NRG1: variants seen among roughly 807,000 people sequenced by gnomAD.
NRG1 encodes the protein neuregulin 1.
In NRG1, 18 loss-of-function variants were observed where a neutral mutation model predicts 63.8. The ratio of observed to expected loss-of-function variants is 0.28; its 90% confidence interval spans 0.19 to 0.42. The LOEUF (loss-of-function observed/expected upper bound fraction) is 0.42. NRG1 is among the 10% of genes least tolerant of loss of function. NRG1 has a pLI of 1.00. For synonymous variants in NRG1, 302 were observed against 301.3 expected (o/e 1.00, Z -0.02); for missense variants, 762 against 814.7 (o/e 0.94, Z 0.79).
exon 12 of NRG1, chr8:32,764,526 T>G (rs972260067): frequency 1.1e-6 from 1 of 918,270 alleles, no homozygotes; most frequent in East Asian, 2.8e-5. Flanking sequence ...AAAAAAACTT[T>G]TATAAATTAA....
At chr8:32,331,225 G>A (rs1204411582) in intron 1 of NRG1, among the ~76,000 whole-genome samples, 1 of 152,074 alleles carries the variant, frequency 6.6e-6, no homozygotes, top group African/African-American at 2.4e-5. Flanking sequence ...GCTGGACACA[G>A]CGGCTCACGC....
intron 1 of NRG1, among the ~76,000 whole-genome samples, chr8:31,972,286 C>G (rs1807421222): frequency 6.6e-6 from 1 of 152,120 alleles, no homozygotes; most frequent in Non-Finnish European, 1.5e-5. Context: ...CATGGTCTTA[C>G]TCGAATCCCT....
rs73671100 is a variant in NRG1, at chr8:31,745,278, A to G, written c.37+105847A>G. 7.9e-3 allele frequency among the ~76,000 whole-genome samples: 1,206 copies of G among 152,060 alleles called. 21 individuals carry two copies. Among genetic ancestry groups the G allele is most frequent in the African/African-American group, 0.027 (1,128 of 41,520 alleles). ...CCATGCTTGTCCCCCGACACAGGGAACGGCCTGCGCAAACACACTTGGTTT... is the reference window on the plus strand; with the variant it reads ...CCATGCTTGTCCCCCGACACAGGGAGCGGCCTGCGCAAACACACTTGGTTT... On this transcript the variant is annotated intron_variant, in intron 1 of 10. Coordinates refer to the NRG1 transcript ENST00000519301.
intron 5 of NRG1, among the ~76,000 whole-genome samples, chr8:32,629,433 GTATT>G (rs1379079566): frequency 1.3e-5 from 2 of 152,098 alleles, no homozygotes; most frequent in African/African-American, 4.8e-5. Flanking sequence ...TTCCCAGGGA[GTATT>G]TATTAAATGG....
intron 1 of NRG1, among the ~76,000 whole-genome samples, chr8:32,071,393 C>G (rs1281991444): frequency 6.6e-6 from 1 of 152,142 alleles, no homozygotes; most frequent in Non-Finnish European, 1.5e-5. Flanking sequence ...AATGAACTTT[C>G]AAAATTAGAC....
At chr8:31,924,447 A>G (rs190393074) in intron 1 of NRG1, among the ~76,000 whole-genome samples, 3 of 152,120 alleles carry the variant, frequency 2.0e-5, no homozygotes, top group African/African-American at 4.8e-5. Context: ...TAGGATCTCT[A>G]TCAATATCCC....
chr8:32,370,709 T>C (rs1317570680), intron 1 of NRG1, among the ~76,000 whole-genome samples: 2 of 150,078 alleles, frequency 1.3e-5, no homozygotes, highest in Non-Finnish European at 3.0e-5. Context: ...AATACAAAAA[T>C]TAGCCAGGCA....
At chr8:31,853,801 G>A (rs372697802) in intron 1 of NRG1, among the ~76,000 whole-genome samples, 1 of 151,878 alleles carries the variant, frequency 6.6e-6, no homozygotes, top group African/African-American at 2.4e-5. Context: ...TACCTAATTT[G>A]TTGAGAGTTT....
At chr8:32,583,780 G>T (rs1371138169) in intron 1 of NRG1, among the ~76,000 whole-genome samples, 1 of 152,160 alleles carries the variant, frequency 6.6e-6, no homozygotes, top group African/African-American at 2.4e-5. Context: ...TTTCATACAT[G>T]ATCTCATTGT....
rs577870005 is a variant in NRG1, at chr8:31,775,921, A to G, written c.37+136490A>G. The stretch of plus-strand genomic sequence containing the variant: ...AAAAAAAAAAAAAAATTCATACTTT[A>G]CTAGTGGGCGATTATTGGAATATGA... On this transcript the variant is annotated intron_variant, in intron 1 of 10. Transcript: ENST00000519301. Among the ~76,000 whole-genome samples, 27 of 148,548 alleles carry G rather than the reference A, an allele frequency of 1.8e-4. No individual in the cohort carries two copies. The East Asian group carries it at 5.6e-3, about 31-fold the overall frequency.
chr8:32,381,569 A>G (rs1382363735), intron 1 of NRG1, among the ~76,000 whole-genome samples: 1 of 152,218 alleles, frequency 6.6e-6, no homozygotes, highest in East Asian at 1.9e-4. Context: ...TTAGTTACAC[A>G]TTAGCTGTAT....
chr8:31,675,985 T>C (rs769395183), intron 1 of NRG1, among the ~76,000 whole-genome samples: 2 of 152,200 alleles, frequency 1.3e-5, no homozygotes, highest in Non-Finnish European at 2.9e-5. Context: ...CGTGTTATAT[T>C]AGACCCGTGG....
At chr8:31,772,230 A>G (rs1818692979) in intron 1 of NRG1, among the ~76,000 whole-genome samples, 1 of 151,856 alleles carries the variant, frequency 6.6e-6, no homozygotes, top group African/African-American at 2.4e-5. Context: ...TCTTTAAATG[A>G]TTTTCTGTGA....
chr8:31,662,909 T>C (rs1011204486), intron 1 of NRG1, among the ~76,000 whole-genome samples: 7 of 152,210 alleles, frequency 4.6e-5, no homozygotes, highest in African/African-American at 1.7e-4. Context: ...GCTGATAAGA[T>C]ATTTAGTCCT....
intron 1 of NRG1, among the ~76,000 whole-genome samples, chr8:31,669,998 A>G (rs2130991141): frequency 6.6e-6 from 1 of 152,296 alleles, no homozygotes; most frequent in Middle Eastern, 3.4e-3. Context: ...AAACCCATAT[A>G]GAGATAAGGA....
intron 8 of NRG1, among the ~76,000 whole-genome samples, chr8:32,754,758 G>T (rs1013721761): frequency 6.6e-6 from 1 of 152,124 alleles, no homozygotes; most frequent in African/African-American, 2.4e-5. Context: ...TATGTGTGTG[G>T]GTGGGACAGA....
At chr8:31,765,456 T>C (rs1383997115) in intron 1 of NRG1, among the ~76,000 whole-genome samples, 1 of 152,224 alleles carries the variant, frequency 6.6e-6, no homozygotes, top group East Asian at 1.9e-4. Flanking sequence ...TGTGTAATGT[T>C]AGCTGTAGGT....
At chr8:32,052,271 G>T (rs76119195) in intron 1 of NRG1, among the ~76,000 whole-genome samples, 55 of 91,400 alleles carry the variant, frequency 6.0e-4, no homozygotes, top group African/African-American at 1.9e-3. Flanking sequence ...CTTTCCTCCT[G>T]TTTTTTTTTT....
intron 1 of NRG1, among the ~76,000 whole-genome samples, chr8:32,536,214 G>A (rs1350979506): frequency 6.6e-6 from 1 of 152,126 alleles, no homozygotes; most frequent in Admixed American, 6.5e-5. Flanking sequence ...CTCCTAATCT[G>A]GAGTGTGGAG....
Sources: gnomAD v4.1 joint callset for allele counts (sites outside exome capture counted in the v4.1 genomes callset) on GRCh38, gnomAD v4.1.1 for gene constraint, MANE v1.5 for transcripts, NCBI Gene and HGNC (gene_info 2026-07-23, HGNC 2026-07-21) for gene names.